The following MAGI2 variants were observed in gnomAD, a reference collection of about 807,000 sequenced individuals.
The protein encoded by MAGI2 is membrane-associated guanylate kinase, WW and PDZ domain-containing protein 2.
Under a neutral mutation model 133.3 loss-of-function variants are expected in MAGI2, and 35 were observed. That is an observed-to-expected ratio of 0.26 (90% CI 0.20 to 0.35). The LOEUF is 0.35. Ranked by LOEUF, MAGI2 falls within the 10% of genes least tolerant of loss-of-function variation. MAGI2 has a pLI of 1.00. For missense variants in MAGI2, 1,636 were observed against 1,863.4 expected (o/e 0.88, Z 2.25); for synonymous variants, 729 against 710.6 (o/e 1.03, Z -0.41).
intron 1 of MAGI2, among the ~76,000 whole-genome samples, chr7:79,156,256 T>A (rs1823768499): frequency 6.6e-6 from 1 of 152,170 alleles, no homozygotes; most frequent in Admixed American, 6.6e-5. Context: ...CCCCAAAACA[T>A]GTTTCTTTGC....
chr7:78,765,274 C>T (rs1824897331), intron 2 of MAGI2, among the ~76,000 whole-genome samples: 1 of 151,600 alleles, frequency 6.6e-6, no homozygotes, highest in Non-Finnish European at 1.5e-5. Context: ...CTATCTTTTC[C>T]CACTATATTG....
At position 78,512,151 on chromosome 7, in the gene MAGI2, A is replaced by T. The variant is rs540596631; in HGVS notation, c.754+9279T>A. Among the ~76,000 whole-genome samples the T allele has an allele frequency of 5.6e-3, 845 of 150,318 alleles. 12 individuals carry two copies. Among genetic ancestry groups the T allele is most frequent in the African/African-American group, 0.019 (777 of 41,132 alleles). ...AAAAATAAATTAAAAAAAAAAAAAA[A>T]GGTGTGAGTATAAAGAGGGTGTGGC... On this transcript the variant is annotated intron_variant, in intron 4 of 21. Coordinates refer to ENST00000354212, the MANE Select transcript of MAGI2 (RefSeq NM_012301.4).
At chr7:79,361,872 T>C (rs1842398721) in intron 1 of MAGI2, among the ~76,000 whole-genome samples, 1 of 151,934 alleles carries the variant, frequency 6.6e-6, no homozygotes, top group African/African-American at 2.4e-5. Flanking sequence ...AAGGAAGTAA[T>C]ATAAATGAAA....
At chr7:78,092,698 T>G (rs1438730124) in intron 20 of MAGI2, among the ~76,000 whole-genome samples, 1 of 152,210 alleles carries the variant, frequency 6.6e-6, no homozygotes. Context: ...ATGTACTTTT[T>G]GAACTGTCCC....
At chr7:78,489,916 A>G in intron 5 of MAGI2, 76 bp from the exon 6 acceptor site, 2 of 919,704 alleles carry the variant, frequency 2.2e-6, no homozygotes, top group South Asian at 1.7e-5. Context: ...AAAAAAAAGC[A>G]GGGTTAGTCC....
At chr7:78,623,537 T>C (rs1365715542) in intron 3 of MAGI2, among the ~76,000 whole-genome samples, 1 of 152,102 alleles carries the variant, frequency 6.6e-6, no homozygotes, top group African/African-American at 2.4e-5. Flanking sequence ...CTATCTTTTA[T>C]TTTTGACAAT....
rs971664198 is a variant in MAGI2, at chr7:78,256,265, A to G, written c.1725T>C (p.Asp575=). The G allele has an allele frequency of 1.9e-6, 3 of 1,614,044 alleles. No individual in the cohort carries two copies. The highest frequency in any genetic ancestry group is 2.5e-6 in the Non-Finnish European group (3 of 1,179,980). Reference sequence around the variant, plus strand: ...GTGGATACGTGCCGTCTAGCTGACCATCAGTTGGCATGGAGTGCAGAGAAT... The same window carrying G: ...GTGGATACGTGCCGTCTAGCTGACCGTCAGTTGGCATGGAGTGCAGAGAAT... The part of the protein sequence containing the change: ...PPHSLHSMPT[D]GQLDGTYPPP... The change falls in exon 10 of 22, where the codon GAT becomes GAC. Residue 575 remains aspartate, a synonymous_variant. Transcript: ENST00000354212.
intron 4 of MAGI2, among the ~76,000 whole-genome samples, chr7:78,513,554 A>G (rs778899847): frequency 1.6e-4 from 25 of 152,172 alleles, no homozygotes; most frequent in Non-Finnish European, 3.1e-4. Flanking sequence ...TATGACTGTG[A>G]TTAGAAAAAA....
chr7:78,715,508 T>C (rs1288916714), intron 2 of MAGI2, among the ~76,000 whole-genome samples: 1 of 152,192 alleles, frequency 6.6e-6, no homozygotes, highest in African/African-American at 2.4e-5. Flanking sequence ...CTACATGATA[T>C]AGATTTAAGT....
intron 2 of MAGI2, among the ~76,000 whole-genome samples, chr7:78,788,486 A>G (rs1314776861): frequency 6.6e-6 from 1 of 150,856 alleles, no homozygotes; most frequent in East Asian, 1.9e-4. Context: ...AATTTCACAA[A>G]TTCTCTTCAT....
intron 2 of MAGI2, among the ~76,000 whole-genome samples, chr7:78,861,140 G>T (rs1274948193): frequency 2.0e-5 from 3 of 152,136 alleles, no homozygotes; most frequent in South Asian, 4.1e-4. Context: ...GGTACCATCT[G>T]TGAAGGCTTC....
chr7:79,207,088 A>AGG (rs1829119967), intron 1 of MAGI2, among the ~76,000 whole-genome samples: 1 of 151,942 alleles, frequency 6.6e-6, no homozygotes, highest in Non-Finnish European at 1.5e-5. Context: ...TAAGGGCCAT[A>AGG]CATGACAAAC....
chr7:79,272,919 G>A (rs891716850), intron 1 of MAGI2, among the ~76,000 whole-genome samples: 4 of 151,888 alleles, frequency 2.6e-5, no homozygotes, highest in African/African-American at 7.3e-5. Context: ...ATTTTCCTTC[G>A]CCAAACAGCA....
intron 1 of MAGI2, among the ~76,000 whole-genome samples, chr7:79,443,956 A>G (rs1021194712): frequency 1.3e-5 from 2 of 152,210 alleles, no homozygotes; most frequent in Non-Finnish European, 2.9e-5. Flanking sequence ...GTGTTTCACT[A>G]TAAGGCAGTT....
chr7:78,806,229 T>C (rs1464525520), intron 2 of MAGI2, among the ~76,000 whole-genome samples: 2 of 152,174 alleles, frequency 1.3e-5, no homozygotes, highest in African/African-American at 4.8e-5. Flanking sequence ...TCTACCTGTG[T>C]GACCTCAGTT....
chr7:78,555,170 AAATG>A (rs373305724), intron 3 of MAGI2, among the ~76,000 whole-genome samples: 5,620 of 66,108 alleles, frequency 0.085, 177 homozygotes, highest in Non-Finnish European at 0.16. Flanking sequence ...ATAAATAAAT[AAATG>A]AATGATAGAG....
chr7:78,944,871 G>A (rs1801287102), intron 2 of MAGI2, among the ~76,000 whole-genome samples: 1 of 151,838 alleles, frequency 6.6e-6, no homozygotes, highest in Admixed American at 6.6e-5. Flanking sequence ...GGAGTAGATG[G>A]AACTACAGGT....
At chr7:78,787,546 G>A (rs539117332) in intron 2 of MAGI2, among the ~76,000 whole-genome samples, 12 of 152,150 alleles carry the variant, frequency 7.9e-5, no homozygotes, top group East Asian at 7.7e-4. Flanking sequence ...TTTAAATTTC[G>A]AGTTTAGCCA....
chr7:78,499,939 A>G (rs1794470129), intron 5 of MAGI2, among the ~76,000 whole-genome samples: 1 of 152,212 alleles, frequency 6.6e-6, no homozygotes, highest in Non-Finnish European at 1.5e-5. Context: ...TTAATAGGTC[A>G]CTTTTTTAAA....
Sources: gnomAD v4.1 joint callset for allele counts (sites outside exome capture counted in the v4.1 genomes callset) on GRCh38, gnomAD v4.1.1 for gene constraint, MANE v1.5 for transcripts, NCBI Gene and HGNC (gene_info 2026-07-23, HGNC 2026-07-21) for gene names.